The following DLGAP2 variants were observed in gnomAD, a reference collection of about 807,000 sequenced individuals.
DLGAP2 encodes disks large-associated protein 2.
Under a neutral mutation model 100.3 loss-of-function variants are expected in DLGAP2, and 26 were observed. The observed-to-expected ratio is 0.26, with a 90% CI of 0.19 to 0.36. DLGAP2 has a LOEUF of 0.36. DLGAP2 is among the 10% of genes least tolerant of loss of function. The pLI, the probability that DLGAP2 is intolerant of heterozygous loss-of-function variation, is 1.00. For missense variants in DLGAP2, 1,858 were observed against 1,453.2 expected (o/e 1.28, Z -4.53); for synonymous variants, 886 against 630.1 (o/e 1.41, Z -6.08).
intron 8 of DLGAP2, among the ~76,000 whole-genome samples, chr8:1,633,724 C>T (rs1270180034): frequency 1.3e-5 from 2 of 152,028 alleles, no homozygotes; most frequent in African/African-American, 2.4e-5. Context: ...AAGCTCGAGG[C>T]GCCGCACATA....
intron 1 of DLGAP2, among the ~76,000 whole-genome samples, chr8:900,691 G>A (rs902137323): frequency 2.0e-5 from 3 of 152,130 alleles, no homozygotes; most frequent in African/African-American, 7.2e-5. Flanking sequence ...ACCAGGAGGC[G>A]GCTGCAGCCC....
chr8:929,716 C>G (rs756700414), intron 2 of DLGAP2, among the ~76,000 whole-genome samples: 4 of 138,228 alleles, frequency 2.9e-5, no homozygotes, highest in Non-Finnish European at 6.2e-5. Flanking sequence ...CCGCGGTACT[C>G]AAGCAGTGTT....
At chr8:1,345,311 G>C (rs1164949595) in intron 3 of DLGAP2, among the ~76,000 whole-genome samples, 1 of 152,142 alleles carries the variant, frequency 6.6e-6, no homozygotes, top group Non-Finnish European at 1.5e-5. Context: ...AGAGCAGAGT[G>C]TGCGGTTGTT....
At chr8:1,230,656 A>T (rs1798516859) in intron 2 of DLGAP2, among the ~76,000 whole-genome samples, 1 of 152,236 alleles carries the variant, frequency 6.6e-6, no homozygotes, top group Non-Finnish European at 1.5e-5. Context: ...GTACAAAAAC[A>T]GACACATAAA....
intron 3 of DLGAP2, among the ~76,000 whole-genome samples, chr8:1,337,414 G>A (rs141537046): frequency 0.065 from 9 of 138 alleles, no homozygotes; most frequent in East Asian, 0.25. Context: ...GATGGTGATG[G>A]TGAGGATGAT....
chr8:1,359,081 G>A (rs546374607), intron 3 of DLGAP2, among the ~76,000 whole-genome samples: 1 of 152,194 alleles, frequency 6.6e-6, no homozygotes, highest in African/African-American at 2.4e-5. Context: ...TGCATTTCTA[G>A]CAAATTCCCA....
At chr8:1,192,018 C>G (rs972033769) in intron 2 of DLGAP2, among the ~76,000 whole-genome samples, 3 of 152,186 alleles carry the variant, frequency 2.0e-5, no homozygotes, top group African/African-American at 7.2e-5. Context: ...GTTCCGGTTA[C>G]CTTGTATGAC....
At chr8:1,528,863 G>C (rs575976885) in intron 4 of DLGAP2, among the ~76,000 whole-genome samples, 3 of 152,030 alleles carry the variant, frequency 2.0e-5, no homozygotes, top group African/African-American at 7.2e-5. Context: ...GATTTCCTAG[G>C]TGCTTCCAGG....
chr8:1,451,654 C>T (rs951175668), intron 3 of DLGAP2, among the ~76,000 whole-genome samples: 7 of 152,154 alleles, frequency 4.6e-5, no homozygotes, highest in Admixed American at 3.3e-4. Context: ...TCCCTCCCCA[C>T]ATCGAAAACT....
chr8:1,571,160 G>T (rs1460096708), intron 6 of DLGAP2, among the ~76,000 whole-genome samples: 2 of 127,190 alleles, frequency 1.6e-5, no homozygotes, highest in Non-Finnish European at 1.6e-5. Flanking sequence ...TTCTGGGATG[G>T]AGAGGAGAGA....
At chr8:1,061,652 C>T (rs937152541) in intron 2 of DLGAP2, among the ~76,000 whole-genome samples, 1 of 152,022 alleles carries the variant, frequency 6.6e-6, no homozygotes, top group Non-Finnish European at 1.5e-5. Context: ...AGCGAGCGTC[C>T]CTGTGGTGTT....
At chr8:1,280,990 C>G (rs558385018) in intron 3 of DLGAP2, among the ~76,000 whole-genome samples, 1 of 152,212 alleles carries the variant, frequency 6.6e-6, no homozygotes, top group South Asian at 2.1e-4. Flanking sequence ...GGAATCCTTA[C>G]GATAGCTCCA....
chr8:781,905 A>G (rs370472625), intron 1 of DLGAP2, among the ~76,000 whole-genome samples: 16 of 152,318 alleles, frequency 1.1e-4, no homozygotes, highest in African/African-American at 3.6e-4. Context: ...GAGATAGGAT[A>G]ATACCACTGC....
chr8:807,166 T>G (rs893625776), intron 1 of DLGAP2, among the ~76,000 whole-genome samples: 4 of 152,254 alleles, frequency 2.6e-5, no homozygotes, highest in African/African-American at 9.6e-5. Flanking sequence ...ACATTTCATC[T>G]TCTCATCCTA....
intron 4 of DLGAP2, among the ~76,000 whole-genome samples, chr8:1,531,009 C>G (rs1800971776): frequency 1.3e-5 from 2 of 152,170 alleles, no homozygotes; most frequent in Admixed American, 6.5e-5. Flanking sequence ...AATTTGTTTT[C>G]TAACATTCCT....
At chr8:1,204,556 A>G (rs1187895169) in intron 2 of DLGAP2, among the ~76,000 whole-genome samples, 1 of 145,406 alleles carries the variant, frequency 6.9e-6, no homozygotes, top group Non-Finnish European at 1.5e-5. Flanking sequence ...GTGTGTGTAT[A>G]TGTCTATATA....
chr8:1,566,865 A>T (rs1055361881), intron 6 of DLGAP2, among the ~76,000 whole-genome samples: 9 of 152,272 alleles, frequency 5.9e-5, no homozygotes, highest in Non-Finnish European at 8.8e-5. Flanking sequence ...AACTTCACAA[A>T]TCCGAACTCT....
intron 1 of DLGAP2, among the ~76,000 whole-genome samples, chr8:797,499 G>A (rs1796060351): frequency 6.6e-6 from 1 of 152,118 alleles, no homozygotes; most frequent in South Asian, 2.1e-4. Flanking sequence ...TGTGAATGAG[G>A]CTGCTATGAC....
At chr8:1,104,590 G>T (rs994639426) in intron 2 of DLGAP2, among the ~76,000 whole-genome samples, 10 of 152,280 alleles carry the variant, frequency 6.6e-5, no homozygotes, top group African/African-American at 2.4e-4. Context: ...CCTGGCCGAG[G>T]CGTTTGCTGA....
Sources: allele counts gnomAD v4.1 joint callset (sites outside exome capture counted in the v4.1 genomes callset), GRCh38; gene constraint gnomAD v4.1.1; transcripts MANE v1.5; gene names NCBI Gene and HGNC (gene_info 2026-07-23, HGNC 2026-07-21).